Variants in PDE7B observed in about 807,000 individuals in gnomAD.
PDE7B encodes 3',5'-cyclic-AMP phosphodiesterase 7B.
Under a neutral mutation model 56.2 loss-of-function variants are expected in PDE7B, and 29 were observed. The observed-to-expected ratio is 0.52, with a 90% CI of 0.38 to 0.70. The LOEUF (loss-of-function observed/expected upper bound fraction) is 0.70. PDE7B is among the 30% of genes least tolerant of loss of function. PDE7B has a pLI of 0.00. For synonymous variants in PDE7B, 197 were observed against 196.9 expected (o/e 1.00, Z 0.00); for missense variants, 490 against 565.0 (o/e 0.87, Z 1.35).
At chr6:136,041,943 A>C (rs996520620) in intron 2 of PDE7B, among the ~76,000 whole-genome samples, 8 of 152,222 alleles carry the variant, frequency 5.3e-5, no homozygotes, top group African/African-American at 1.9e-4. Flanking sequence ...GTCAGGGTAC[A>C]TGCTGGGTAA....
chr6:136,065,878 CTTTATTT>C (rs1562484367), intron 2 of PDE7B, among the ~76,000 whole-genome samples: 1 of 152,122 alleles, frequency 6.6e-6, no homozygotes, highest in East Asian at 1.9e-4. Context: ...AAGATATGCT[CTTTATTT>C]TTTATCAGTT....
intron 1 of PDE7B, among the ~76,000 whole-genome samples, chr6:135,926,085 T>TTTGGGG (rs1774178124): frequency 6.2e-5 from 1 of 16,158 alleles, no homozygotes; most frequent in African/African-American, 1.2e-4. Context: ...TTCTTTTTTT[T>TTTGGGG]GGGGGGGGGG....
At chr6:136,183,073 A>C (rs113035127) in intron 11 of PDE7B, among the ~76,000 whole-genome samples, 161 of 115,988 alleles carry the variant, frequency 1.4e-3, no homozygotes, top group African/African-American at 7.0e-3. Context: ...CTCCGTCTCC[A>C]AAAAAAAAAA....
At chr6:136,107,235 T>C (rs913279559) in intron 2 of PDE7B, among the ~76,000 whole-genome samples, 1 of 152,160 alleles carries the variant, frequency 6.6e-6, no homozygotes, top group African/African-American at 2.4e-5. Context: ...GGACTGTTCT[T>C]CCTTTCAGCT....
chr6:136,032,630 A>G (rs1776261238), intron 2 of PDE7B, among the ~76,000 whole-genome samples: 1 of 152,158 alleles, frequency 6.6e-6, no homozygotes, highest in Non-Finnish European at 1.5e-5. Flanking sequence ...TCGCTGGGGA[A>G]CCCAAATTTC....
intron 3 of PDE7B, among the ~76,000 whole-genome samples, chr6:136,127,404 T>G (rs2128444155): frequency 6.6e-6 from 1 of 152,322 alleles, no homozygotes; most frequent in South Asian, 2.1e-4. Context: ...ATCTGACATG[T>G]AGTCATTAAG....
intron 3 of PDE7B, among the ~76,000 whole-genome samples, chr6:136,115,472 T>C (rs760645242): frequency 2.6e-5 from 4 of 152,180 alleles, no homozygotes; most frequent in Non-Finnish European, 5.9e-5. Flanking sequence ...AAAAGTGTTA[T>C]TGAAAGACAA....
intron 12 of PDE7B, among the ~76,000 whole-genome samples, chr6:136,190,938 C>T (rs1335331868): frequency 4.0e-5 from 6 of 149,464 alleles, no homozygotes; most frequent in Non-Finnish European, 5.9e-5. Context: ...GATCTAAATT[C>T]GTGAGGTGTC....
intron 2 of PDE7B, among the ~76,000 whole-genome samples, chr6:136,103,219 A>G (rs1777592782): frequency 6.6e-6 from 1 of 152,176 alleles, no homozygotes; most frequent in African/African-American, 2.4e-5. Flanking sequence ...GTCACTCAAG[A>G]AAGTGGAAGA....
At chr6:135,977,228 G>A (rs1775201530) in intron 2 of PDE7B, among the ~76,000 whole-genome samples, 1 of 152,106 alleles carries the variant, frequency 6.6e-6, no homozygotes. Flanking sequence ...GCTTCTGAGA[G>A]GCTGAGGGCG....
At chr6:135,868,191 A>C (rs1775300987) in intron 1 of PDE7B, among the ~76,000 whole-genome samples, 1 of 151,536 alleles carries the variant, frequency 6.6e-6, no homozygotes, top group African/African-American at 2.4e-5. Flanking sequence ...TTAAATTTTC[A>C]GGCTAGGATA....
chr6:135,948,876 TAGATAGATAGATAGATAGATAGAC>T lies in PDE7B; in HGVS notation c.82+1356_82+1379del, dbSNP rs1252833723. Among the ~76,000 whole-genome samples the T allele has an allele frequency of 8.1e-3, 1,198 of 147,736 alleles. 17 individuals carry two copies. The highest frequency in any genetic ancestry group is 0.028 in the African/African-American group (1,080 of 38,618). On this transcript the variant is annotated intron_variant, in intron 2 of 12. Transcript: ENST00000308191. Reference sequence around the variant, plus strand: ...ATAGATAGATAGATAGATAGATAGATAGATAGATAGATAGATAGATAGACAGACAGACAGACAGACAGACAGACA... The same window carrying T: ...ATAGATAGATAGATAGATAGATAGATAGACAGACAGACAGACAGACAGACA...
At chr6:136,059,274 G>A (rs1253396671) in intron 2 of PDE7B, among the ~76,000 whole-genome samples, 2 of 152,160 alleles carry the variant, frequency 1.3e-5, no homozygotes, top group Non-Finnish European at 2.9e-5. Context: ...TGGGTTGAGT[G>A]ACTTGTTTCT....
intron 8 of PDE7B, 27 bp downstream of exon 8, chr6:136,155,785 C>G: frequency 6.2e-7 from 1 of 1,612,500 alleles, no homozygotes. Context: ...TGGAGCCAGC[C>G]ACAGTATGGT....
intron 2 of PDE7B, among the ~76,000 whole-genome samples, chr6:136,032,305 AAAAAC>A (rs1776257691): frequency 6.6e-6 from 1 of 152,242 alleles, no homozygotes; most frequent in Admixed American, 6.5e-5. Flanking sequence ...ACTTTGGACT[AAAAAC>A]AAAATTCCCT....
intron 1 of PDE7B, among the ~76,000 whole-genome samples, chr6:135,923,648 A>G (rs1257915219): frequency 6.6e-6 from 1 of 152,200 alleles, no homozygotes; most frequent in Non-Finnish European, 1.5e-5. Context: ...ATGAACACAT[A>G]TAGTGGTCTT....
At chr6:135,927,687 A>C (rs926098976) in intron 1 of PDE7B, among the ~76,000 whole-genome samples, 1 of 152,172 alleles carries the variant, frequency 6.6e-6, no homozygotes, top group African/African-American at 2.4e-5. Flanking sequence ...AAACTGTAGA[A>C]GAACACCTAG....
chr6:135,852,080 G>A, intron 1 of PDE7B, 61 bp downstream of exon 1: 1 of 1,120,546 alleles, frequency 8.9e-7, no homozygotes, highest in South Asian at 1.2e-5. Flanking sequence ...GTCACAGAGA[G>A]ATGGCAGGAT....
chr6:136,114,187 G>C (rs1198185565), intron 3 of PDE7B, among the ~76,000 whole-genome samples: 1 of 152,136 alleles, frequency 6.6e-6, no homozygotes, highest in Non-Finnish European at 1.5e-5. Flanking sequence ...TGACTCTCCT[G>C]TCAGGGTCAT....
Sources: gnomAD v4.1 joint callset for allele counts (sites outside exome capture counted in the v4.1 genomes callset) on GRCh38, gnomAD v4.1.1 for gene constraint, MANE v1.5 for transcripts, NCBI Gene and HGNC (gene_info 2026-07-23, HGNC 2026-07-21) for gene names.